The following CCDC170 variants were observed in gnomAD, a reference collection of about 807,000 sequenced individuals.
The protein encoded by CCDC170 is coiled-coil domain-containing protein 170.
CCDC170 carries 69 observed loss-of-function variants against 72.6 expected under a neutral mutation model. The observed-to-expected ratio is 0.95, with a 90% CI of 0.78 to 1.16. The LOEUF (loss-of-function observed/expected upper bound fraction) is 1.16. Ranked by LOEUF, CCDC170 falls within the 50% of genes most tolerant of loss-of-function variation. The pLI is 0.00. For synonymous variants in CCDC170, 300 were observed against 303.9 expected, an observed-to-expected ratio of 0.99 and a Z score of 0.13; for missense variants, 852 against 832.5, an observed-to-expected ratio of 1.02 and a Z score of -0.29.
At chr6:151,569,460 AT>A (rs1308910758) in intron 5 of CCDC170, among the ~76,000 whole-genome samples, 9 of 152,254 alleles carry the variant, frequency 5.9e-5, no homozygotes, top group African/African-American at 2.2e-4. Context: ...CTTATTAATT[AT>A]AAAAAAATTT....
At chr6:151,522,560 A>C (rs1009866751) in intron 1 of CCDC170, among the ~76,000 whole-genome samples, 5 of 152,168 alleles carry the variant, frequency 3.3e-5, no homozygotes, top group African/African-American at 9.7e-5. Flanking sequence ...AATGGGAATT[A>C]GTTTAGCCTG....
At chr6:151,616,519 G>A (rs765241038) in intron 10 of CCDC170, among the ~76,000 whole-genome samples, 1 of 151,842 alleles carries the variant, frequency 6.6e-6, no homozygotes, top group Admixed American at 6.6e-5. Context: ...AAGCAGAGAC[G>A]GGGAAAGCCA....
intron 9 of CCDC170, among the ~76,000 whole-genome samples, chr6:151,609,424 C>G (rs1413784591): frequency 6.6e-6 from 1 of 152,124 alleles, no homozygotes; most frequent in Admixed American, 6.5e-5. Context: ...GCCAACACAC[C>G]AAAATTTAAA....
chr6:151,541,863 TAA>T (rs1297885328), intron 3 of CCDC170, among the ~76,000 whole-genome samples: 3 of 119,782 alleles, frequency 2.5e-5, no homozygotes, highest in Admixed American at 9.9e-5. Flanking sequence ...AATATAAATA[TAA>T]ATATATATAT....
rs9478214 is a variant in CCDC170, at chr6:151,541,888, T to A, written c.444-2684T>A. Among the ~76,000 whole-genome samples, 827 of 118,270 alleles carry A rather than the reference T, an allele frequency of 7.0e-3. 6 individuals carry two copies. The highest frequency in any genetic ancestry group is 0.018 in the African/African-American group (468 of 26,016). The allele number at this position is 118,270 out of a possible 152,430, so 77.6% of individuals were successfully genotyped here. On this transcript the variant is annotated intron_variant, in intron 3 of 10. Transcript: ENST00000239374. ...TAAATATATATATATATATATATAT[T>A]TTTTTTTTTAAGACAGAGTCTTGCT...
At chr6:151,548,809 T>C (rs1252114167) in intron 5 of CCDC170, among the ~76,000 whole-genome samples, 1 of 151,892 alleles carries the variant, frequency 6.6e-6, no homozygotes, top group African/African-American at 2.4e-5. Flanking sequence ...AACTTCCGCC[T>C]CCCTGGTTCA....
chr6:151,514,703 G>A (rs2115028635), intron 1 of CCDC170, among the ~76,000 whole-genome samples: 2 of 152,308 alleles, frequency 1.3e-5, no homozygotes, highest in South Asian at 4.1e-4. Flanking sequence ...TCTATCGTGG[G>A]CAGCTTTGTA....
At chr6:151,503,868 G>C (rs762620297) in intron 1 of CCDC170, among the ~76,000 whole-genome samples, 15 of 152,116 alleles carry the variant, frequency 9.9e-5, no homozygotes, top group African/African-American at 3.4e-4. Flanking sequence ...TTGGATAAGA[G>C]GTGTGTTTTT....
intron 1 of CCDC170, among the ~76,000 whole-genome samples, chr6:151,506,624 G>A (rs901999411): frequency 6.6e-6 from 1 of 152,194 alleles, no homozygotes; most frequent in Non-Finnish European, 1.5e-5. Flanking sequence ...GTAACCTTGT[G>A]TAATGGTCTG....
chr6:151,498,308 A>G (rs1167349979), intron 1 of CCDC170, among the ~76,000 whole-genome samples: 1 of 152,236 alleles, frequency 6.6e-6, no homozygotes, highest in Non-Finnish European at 1.5e-5. Flanking sequence ...TCCTCAAAAC[A>G]AAGGACTTAG....
At chr6:151,563,379 G>A (rs1474757486) in intron 5 of CCDC170, among the ~76,000 whole-genome samples, 1 of 152,132 alleles carries the variant, frequency 6.6e-6, no homozygotes, top group Admixed American at 6.5e-5. Flanking sequence ...CACCTTATCT[G>A]TGTTTCCTTT....
At chr6:151,524,284 A>T (rs1051120539) in intron 1 of CCDC170, among the ~76,000 whole-genome samples, 3 of 152,168 alleles carry the variant, frequency 2.0e-5, no homozygotes, top group African/African-American at 7.2e-5. Flanking sequence ...AGTTCGAAAG[A>T]ATTCATCTGA....
At chr6:151,585,158 T>C (rs4869741) in intron 6 of CCDC170, among the ~76,000 whole-genome samples, 68,778 of 151,930 alleles carry the variant, frequency 0.45, 18,775 homozygotes, top group East Asian at 0.82. Flanking sequence ...GAGGAACTCC[T>C]GGGAAGGATG....
At chr6:151,591,528 T>C (rs1490095008) in intron 7 of CCDC170, among the ~76,000 whole-genome samples, 1 of 152,058 alleles carries the variant, frequency 6.6e-6, no homozygotes, top group Non-Finnish European at 1.5e-5. Context: ...GGAGTCTTGC[T>C]CTGTCGCCCA....
intron 8 of CCDC170, among the ~76,000 whole-genome samples, chr6:151,595,839 A>C (rs1356224257): frequency 1.3e-5 from 2 of 152,030 alleles, no homozygotes; most frequent in African/African-American, 2.4e-5. Flanking sequence ...GTTGATATAT[A>C]TCCACTCTCA....
intron 5 of CCDC170, among the ~76,000 whole-genome samples, chr6:151,571,729 G>A (rs1255881332): frequency 6.8e-6 from 1 of 146,024 alleles, no homozygotes; most frequent in African/African-American, 2.5e-5. Context: ...CTCCGTCCCG[G>A]GAGAAAAAAA....
chr6:151,541,642 A>G (rs1484949735), intron 3 of CCDC170, among the ~76,000 whole-genome samples: 3 of 151,942 alleles, frequency 2.0e-5, no homozygotes, highest in African/African-American at 7.2e-5. Flanking sequence ...CATATTGTAA[A>G]AAATATTTTT....
intron 9 of CCDC170, among the ~76,000 whole-genome samples, chr6:151,599,486 T>C (rs1402866968): frequency 6.6e-6 from 1 of 152,168 alleles, no homozygotes; most frequent in Non-Finnish European, 1.5e-5. Context: ...TGGCTGCTGC[T>C]GATGCCTTGA....
At chr6:151,542,405 A>G (rs140858807) in intron 3 of CCDC170, among the ~76,000 whole-genome samples, 1 of 152,056 alleles carries the variant, frequency 6.6e-6, no homozygotes, top group African/African-American at 2.4e-5. Context: ...ATTTTTTTGT[A>G]GAGATGGCGT....
Sources: gnomAD v4.1 joint callset for allele counts (sites outside exome capture counted in the v4.1 genomes callset) on GRCh38, gnomAD v4.1.1 for gene constraint, MANE v1.5 for transcripts, NCBI Gene and HGNC (gene_info 2026-07-23, HGNC 2026-07-21) for gene names.